Variants in CFAP61 observed in about 807,000 individuals in gnomAD.
The protein encoded by CFAP61 is cilia and flagella associated protein 61.
In CFAP61, 107 loss-of-function variants were observed where a neutral mutation model predicts 135.6. That is an observed-to-expected ratio of 0.79 (90% confidence interval 0.67 to 0.93). CFAP61 has a LOEUF of 0.93. Ranked by LOEUF, CFAP61 falls within the 40% of genes least tolerant of loss-of-function variation. The pLI, the probability that CFAP61 is intolerant of heterozygous loss-of-function variation, is 0.00. For missense variants in CFAP61, 1,507 were observed against 1,556.2 expected, an observed-to-expected ratio of 0.97 and a Z score of 0.53; for synonymous variants, 575 against 578.5, an observed-to-expected ratio of 0.99 and a Z score of 0.09.
chr20:20,297,154 G>C (rs965457319), intron 24 of CFAP61, among the ~76,000 whole-genome samples: 115 of 152,238 alleles, frequency 7.6e-4, no homozygotes, highest in African/African-American at 2.7e-3. Flanking sequence ...GCTTTGCCAT[G>C]TGATACCCCA....
rs550486825 is a variant in CFAP61 at position 20,212,602 on chromosome 20, G to A, written c.1932+12700G>A. On this transcript the variant is annotated intron_variant, in intron 17 of 26. Coordinates refer to ENST00000245957, the MANE Select transcript of CFAP61 (RefSeq NM_015585.4). ...TCTAGGTGTCCTGCTTTTTGTCCAT[G>A]AGCCCGATAAACACCATGGCTTTTG... 2.8e-4 allele frequency among the ~76,000 whole-genome samples: 42 copies of A among 152,192 alleles called. No homozygotes were observed. In the South Asian group the frequency reaches 8.5e-3, roughly 31 times the overall value.
At position 20,090,976 on chromosome 20, in the gene CFAP61, GGTCAGTGACTGATTCAT is replaced by G; in HGVS notation, c.699+3_699+19del. On this transcript the variant is annotated splice_donor_variant and splice_donor_5th_base_variant and intron_variant, in intron 7 of 26. Transcript: ENST00000245957. LOFTEE classifies it high-confidence loss of function. ...AAGAGAATCATGCTGTTGTGTGTGAGGTCAGTGACTGATTCATGTGGGAACACACTTAGTGAGAGGAA... is the reference window on the plus strand; with the variant it reads ...AAGAGAATCATGCTGTTGTGTGTGAGGTGGGAACACACTTAGTGAGAGGAA... 1 of 1,614,068 alleles carries G rather than the reference GGTCAGTGACTGATTCAT, an allele frequency of 6.2e-7. No homozygotes were observed. Among genetic ancestry groups the G allele is most frequent in the Non-Finnish European group, 8.5e-7 (1 of 1,179,964 alleles).
intron 8 of CFAP61, among the ~76,000 whole-genome samples, chr20:20,112,214 G>C (rs1344640659): frequency 2.0e-5 from 3 of 151,950 alleles, no homozygotes; most frequent in Admixed American, 6.6e-5. Flanking sequence ...ATAAAAACTG[G>C]AATTATGACT....
intron 8 of CFAP61, 52 bp downstream of exon 8, chr20:20,098,866 C>T (rs771135045): frequency 2.0e-6 from 3 of 1,500,060 alleles, no homozygotes; most frequent in South Asian, 1.2e-5. Context: ...ATGCTTTATA[C>T]ACATTGCGCT....
intron 20 of CFAP61, among the ~76,000 whole-genome samples, chr20:20,254,726 G>T (rs1351095354): frequency 6.6e-6 from 1 of 152,162 alleles, no homozygotes; most frequent in Non-Finnish European, 1.5e-5. Flanking sequence ...TTAAAATAAT[G>T]AAAACAGAGC....
chr20:20,194,753 G>A (rs1042524193), intron 15 of CFAP61, among the ~76,000 whole-genome samples: 3 of 152,200 alleles, frequency 2.0e-5, no homozygotes, highest in African/African-American at 7.2e-5. Flanking sequence ...CTTGAATGGA[G>A]TACCAGCCGG....
At chr20:20,200,686 G>A in intron 17 of CFAP61, 1 of 984,910 alleles carries the variant, frequency 1.0e-6, no homozygotes, top group Non-Finnish European at 1.2e-6. Flanking sequence ...TGTGAGACAG[G>A]AAAAAAGGAA....
chr20:20,222,275 G>GT (rs1244218623), intron 17 of CFAP61, among the ~76,000 whole-genome samples: 1 of 152,128 alleles, frequency 6.6e-6, no homozygotes, highest in East Asian at 1.9e-4. Flanking sequence ...GGGAATATGG[G>GT]TATATGAGGG....
At chr20:20,278,630 T>G (rs904734094) in intron 22 of CFAP61, among the ~76,000 whole-genome samples, 1 of 151,762 alleles carries the variant, frequency 6.6e-6, no homozygotes, top group African/African-American at 2.4e-5. Context: ...TACCTAGGAG[T>G]GGGGGGTGAT....
intron 20 of CFAP61, chr20:20,253,183 TTC>T (rs1491220005): frequency 3.3e-5 from 5 of 150,802 alleles, no homozygotes; most frequent in African/African-American, 1.2e-4. Flanking sequence ...TCTTCCTTCC[TTC>T]TTTTTTCCTT....
rs552891537 is a variant in CFAP61, at chr20:20,348,112, C to A, written c.3513+6191C>A. On this transcript the variant is annotated intron_variant, in intron 26 of 26. Coordinates refer to ENST00000245957, the MANE Select transcript of CFAP61 (RefSeq NM_015585.4). ...CTATCAAATATTTAAAGAATTAACA[C>A]CAATTCTCTTGAACTCTTCCAAAAC... Among the ~76,000 whole-genome samples, 12 of 152,188 alleles carry A rather than the reference C, an allele frequency of 7.9e-5. No homozygotes were observed. The East Asian group carries it at 2.3e-3, about 29-fold the overall frequency.
chr20:20,138,282 CA>C (rs551388669), intron 8 of CFAP61, among the ~76,000 whole-genome samples: 439 of 152,334 alleles, frequency 2.9e-3, no homozygotes, highest in Non-Finnish European at 5.5e-3. Context: ...TACTAGCTCG[CA>C]TGTCCCCTAA....
At chr20:20,149,250 G>T (rs1344759055) in intron 9 of CFAP61, among the ~76,000 whole-genome samples, 1 of 152,158 alleles carries the variant, frequency 6.6e-6, no homozygotes, top group Non-Finnish European at 1.5e-5. Context: ...CATGACAAAA[G>T]ACTTAACAAG....
intron 25 of CFAP61, chr20:20,323,043 G>A (rs1325165352): frequency 4.1e-6 from 4 of 985,320 alleles, no homozygotes; most frequent in Non-Finnish European, 4.8e-6. Context: ...CTCTGACTTT[G>A]TGATCACTGT....
chr20:20,147,190 T>C (rs912679425), intron 9 of CFAP61, among the ~76,000 whole-genome samples: 2 of 152,258 alleles, frequency 1.3e-5, no homozygotes, highest in South Asian at 4.1e-4. Context: ...CAATTGCAGA[T>C]TGTCCTGCTG....
intron 12 of CFAP61, among the ~76,000 whole-genome samples, chr20:20,167,196 T>C (rs539178713): frequency 8.1e-4 from 123 of 152,346 alleles, no homozygotes; most frequent in African/African-American, 2.8e-3. Context: ...GGATACTGTT[T>C]CTAATGAGGC....
At chr20:20,054,841 T>G (rs186481762) in intron 1 of CFAP61, among the ~76,000 whole-genome samples, 219 of 152,378 alleles carry the variant, frequency 1.4e-3, no homozygotes, top group African/African-American at 5.0e-3. Context: ...TTTTACTATA[T>G]ATTTGGAGTT....
intron 24 of CFAP61, among the ~76,000 whole-genome samples, chr20:20,291,951 A>G (rs1262840136): frequency 6.6e-6 from 1 of 152,246 alleles, no homozygotes; most frequent in African/African-American, 2.4e-5. Flanking sequence ...GGTAAACAAT[A>G]TGACCAACCT....
intron 9 of CFAP61, among the ~76,000 whole-genome samples, chr20:20,149,582 G>A (rs1176597538): frequency 6.6e-6 from 1 of 152,136 alleles, no homozygotes; most frequent in African/African-American, 2.4e-5. Flanking sequence ...CCCCACTGGC[G>A]AATCTGAAAA....
Sources: gnomAD v4.1 joint callset for allele counts (sites outside exome capture counted in the v4.1 genomes callset) on GRCh38, gnomAD v4.1.1 for gene constraint, MANE v1.5 for transcripts, NCBI Gene and HGNC (gene_info 2026-07-23, HGNC 2026-07-21) for gene names.